ZFHX3: variants seen among roughly 807,000 people sequenced by gnomAD.
ZFHX3 encodes the protein zinc finger homeobox 3.
ZFHX3 carries 42 observed loss-of-function variants against 279.1 expected under a neutral mutation model. That is an observed-to-expected ratio of 0.15 (90% CI 0.12 to 0.19). The LOEUF is 0.19. ZFHX3 is among the 10% of genes least tolerant of loss of function. The pLI, the probability that ZFHX3 is intolerant of heterozygous loss-of-function variation, is 1.00. For missense variants in ZFHX3, 4,981 were observed against 4,754.0 expected, an observed-to-expected ratio of 1.05 and a Z score of -1.40; for synonymous variants, 2,293 against 1,957.8, an observed-to-expected ratio of 1.17 and a Z score of -4.52.
intron 1 of ZFHX3, among the ~76,000 whole-genome samples, chr16:73,802,697 T>A (rs1002057010): frequency 6.6e-6 from 1 of 152,166 alleles, no homozygotes; most frequent in African/African-American, 2.4e-5. Context: ...ACACCAGAAC[T>A]AAAGGTTGAA....
At chr16:73,496,859 C>T (rs1048455416) in intron 2 of ZFHX3, among the ~76,000 whole-genome samples, 3 of 152,168 alleles carry the variant, frequency 2.0e-5, no homozygotes, top group African/African-American at 4.8e-5. Context: ...CCTCCCTCTG[C>T]GTTGGGTGGC....
chr16:72,863,199 T>C (rs972297584), intron 4 of ZFHX3, among the ~76,000 whole-genome samples: 1 of 151,676 alleles, frequency 6.6e-6, no homozygotes, highest in South Asian at 2.1e-4. Flanking sequence ...TGCAGTCTTG[T>C]TAATAAAAAA....
upstream of ZFHX3, among the ~76,000 whole-genome samples, chr16:73,064,289 TCTCA>T (rs1965720043): frequency 1.3e-5 from 2 of 152,004 alleles, no homozygotes; most frequent in African/African-American, 4.8e-5. Context: ...CTCCCCTGAC[TCTCA>T]CTCCAGCTAC....
chr16:73,351,300 G>A (rs1227950720), intron 3 of ZFHX3, among the ~76,000 whole-genome samples: 2 of 152,216 alleles, frequency 1.3e-5, no homozygotes, highest in Non-Finnish European at 2.9e-5. Flanking sequence ...TGGGCCTGCT[G>A]CCTAATATAC....
chr16:73,688,342 G>C (rs921419934), intron 1 of ZFHX3, among the ~76,000 whole-genome samples: 1 of 140,358 alleles, frequency 7.1e-6, no homozygotes, highest in African/African-American at 2.6e-5. Flanking sequence ...GGGTGACAGA[G>C]TGAGACTCCA....
At chr16:73,133,124 C>A (rs1966723755) in intron 6 of ZFHX3, among the ~76,000 whole-genome samples, 1 of 152,190 alleles carries the variant, frequency 6.6e-6, no homozygotes, top group African/African-American at 2.4e-5. Context: ...ATGGTCTGGG[C>A]ATCTCTTGGG....
intron 6 of ZFHX3, among the ~76,000 whole-genome samples, chr16:73,140,988 T>C (rs1023582146): frequency 7.2e-5 from 11 of 152,228 alleles, no homozygotes; most frequent in Non-Finnish European, 1.5e-4. Context: ...TCTAGCCTTC[T>C]CAAGAGCAGC....
chr16:73,718,347 G>A (rs2142234994), intron 1 of ZFHX3, among the ~76,000 whole-genome samples: 2 of 152,162 alleles, frequency 1.3e-5, no homozygotes, highest in East Asian at 2.0e-4. Context: ...GGAGGTGGAA[G>A]TTGCAGTGAG....
intron 1 of ZFHX3, among the ~76,000 whole-genome samples, chr16:73,742,918 T>C (rs369607): frequency 0.08 from 12,232 of 152,220 alleles, 689 homozygotes; most frequent in African/African-American, 0.15. Context: ...TAATTACAAA[T>C]GGAAAAAGTT....
intron 7 of ZFHX3, among the ~76,000 whole-genome samples, chr16:73,116,395 G>A (rs1013437427): frequency 4.1e-4 from 62 of 152,294 alleles, no homozygotes; most frequent in African/African-American, 1.4e-3. Flanking sequence ...TTCTCAAGAG[G>A]AGGAATGAGA....
At chr16:73,669,413 C>T (rs1289515162) in intron 2 of ZFHX3, among the ~76,000 whole-genome samples, 4 of 152,270 alleles carry the variant, frequency 2.6e-5, no homozygotes, top group East Asian at 1.9e-4. Context: ...GAAACTCCCA[C>T]GTGATCTCTA....
At chr16:72,803,423 G>T (rs1302399424) in intron 7 of ZFHX3, among the ~76,000 whole-genome samples, 2 of 152,160 alleles carry the variant, frequency 1.3e-5, no homozygotes, top group Non-Finnish European at 2.9e-5. Flanking sequence ...GTAGGTTTAT[G>T]AGAAGACAAA....
intron 7 of ZFHX3, chr16:73,127,182 G>C (rs1966583314): frequency 2.5e-6 from 1 of 396,774 alleles, no homozygotes; most frequent in Non-Finnish European, 4.4e-6. Context: ...TTGGAAGAAG[G>C]GTCTGATCGA....
chr16:73,068,513 G>T (rs1171856838), intron 8 of ZFHX3, among the ~76,000 whole-genome samples: 1 of 152,202 alleles, frequency 6.6e-6, no homozygotes, highest in African/African-American at 2.4e-5. Flanking sequence ...AAAATCCTAG[G>T]ATTACAGGGT....
chr16:73,569,382 C>CT (rs542449690), intron 2 of ZFHX3, among the ~76,000 whole-genome samples: 11,787 of 141,034 alleles, frequency 0.084, 589 homozygotes, highest in African/African-American at 0.14. Flanking sequence ...ATCATGGCTG[C>CT]TTTTTTTTTT....
intron 2 of ZFHX3, among the ~76,000 whole-genome samples, chr16:73,489,254 GA>G (rs993425850): frequency 3.3e-5 from 5 of 152,146 alleles, no homozygotes; most frequent in Admixed American, 6.5e-5. Flanking sequence ...TATTCCTGAT[GA>G]AAATCTTGAT....
intron 1 of ZFHX3, among the ~76,000 whole-genome samples, chr16:73,004,919 A>G (rs1963650305): frequency 6.6e-6 from 1 of 152,200 alleles, no homozygotes; most frequent in Non-Finnish European, 1.5e-5. Flanking sequence ...ATGGATGGTA[A>G]CATATGCTAT....
intron 3 of ZFHX3, among the ~76,000 whole-genome samples, chr16:73,331,227 T>G (rs1274359185): frequency 1.1e-4 from 17 of 152,130 alleles, no homozygotes; most frequent in Non-Finnish European, 4.4e-5. Flanking sequence ...CTCACTATCA[T>G]GAGAACAGCA....
chr16:72,883,755 T>TC (rs1446598329), intron 4 of ZFHX3, among the ~76,000 whole-genome samples: 2 of 152,232 alleles, frequency 1.3e-5, no homozygotes, highest in Non-Finnish European at 2.9e-5. Flanking sequence ...AGTCATGTTT[T>TC]CCCCATGCCT....
Sources: gnomAD v4.1 joint callset for allele counts (sites outside exome capture counted in the v4.1 genomes callset) on GRCh38, gnomAD v4.1.1 for gene constraint, MANE v1.5 for transcripts, NCBI Gene and HGNC (gene_info 2026-07-23, HGNC 2026-07-21) for gene names.